The following SLC26A1 variants were observed in gnomAD, a reference collection of about 807,000 sequenced individuals.
SLC26A1 encodes the protein solute carrier family 26 member 1.
A neutral mutation model predicts 14.5 loss-of-function variants in SLC26A1; 18 were observed. The observed-to-expected ratio is 1.24, with a 90% CI of 0.86 to 1.84. SLC26A1 has a LOEUF of 1.84. SLC26A1 is among the 40% of genes most tolerant of loss of function. The pLI is 0.00. For missense variants in SLC26A1, 1,049 were observed against 1,020.0 expected (o/e 1.03, Z -0.39); for synonymous variants, 505 against 492.0 (o/e 1.03, Z -0.35).
At chr4:981,258 A>G (rs1256423982) in intron 2 of SLC26A1, among the ~76,000 whole-genome samples, 1 of 152,256 alleles carries the variant, frequency 6.6e-6, no homozygotes, top group Non-Finnish European at 1.5e-5. Context: ...GCAGTCCAGT[A>G]TCTTTTCGTT....
At chr4:987,413 G>A (rs1037211576), downstream of SLC26A1, among the ~76,000 whole-genome samples, 1 of 152,146 alleles carries the variant, frequency 6.6e-6, no homozygotes, top group African/African-American at 2.4e-5. Flanking sequence ...CTGAGTGGGC[G>A]CCGGGGCGTG....
Position 987,870 on chromosome 4 carries a change from C to A in SLC26A1, c.*963G>T. On this transcript the variant is annotated 3_prime_UTR_variant, in exon 3 of 3. Coordinates refer to ENST00000398516, the MANE Select transcript of SLC26A1 (RefSeq NM_022042.4). Reference sequence around the variant, plus strand: ...CCTCAGCTGGGACCAGCAGCTCAACCTCGCCTATGTGGGCGCCGTCCCTCA... The same window carrying A: ...CCTCAGCTGGGACCAGCAGCTCAACATCGCCTATGTGGGCGCCGTCCCTCA... The A allele has an allele frequency of 1.2e-6, 2 of 1,612,354 alleles. No homozygotes were observed. Among genetic ancestry groups the A allele is most frequent in the Non-Finnish European group, 1.7e-6 (2 of 1,179,802 alleles).
chr4:984,907 A>G (rs546721510), downstream of SLC26A1, among the ~76,000 whole-genome samples: 26 of 148,428 alleles, frequency 1.8e-4, no homozygotes, highest in Non-Finnish European at 3.5e-4. Context: ...TGTCCCCATC[A>G]TGCACTTTGT....
rs768866040 is a variant in SLC26A1 at position 991,435 on chromosome 4, T to C, written c.269A>G (p.Tyr90Cys). Residue 90 changes from tyrosine to cysteine, a missense_variant, in exon 2 of 3, where the codon TAC becomes TGC. Tyr to Cys is a radical substitution (Grantham distance 194). Transcript: ENST00000398516. Reference sequence around the variant, plus strand: ...GGGCTGCAGCCCGGCCAGCAATGAGTAGGCGATGGCCTGCGGCACCAGGAT... The same window carrying C: ...GGGCTGCAGCCCGGCCAGCAATGAGCAGGCGATGGCCTGCGGCACCAGGAT... Reference protein sequence around the residue: ...GIILVPQAIAYSLLAGLQPIY... With the variant: ...GIILVPQAIACSLLAGLQPIY... 1 of 1,612,702 alleles carries C rather than the reference T, an allele frequency of 6.2e-7. No individual in the cohort carries two copies. The highest frequency in any genetic ancestry group is 8.5e-7 in the Non-Finnish European group (1 of 1,179,946).
downstream of SLC26A1, chr4:987,025 A>T (rs1713767676): frequency 7.2e-7 from 1 of 1,383,678 alleles, no homozygotes; most frequent in Non-Finnish European, 9.5e-7. Flanking sequence ...CCAGACTCCG[A>T]CCCGGAGGCG....
At position 990,072 on chromosome 4, in the gene SLC26A1, C is replaced by A. The variant is rs1391100406; in HGVS notation, c.867G>T (p.Arg289Ser). ...ELSDRYRHRLRVPLPTELLVI... is the reference protein window; with the variant it reads ...ELSDRYRHRLSVPLPTELLVI... Reference sequence around the variant, plus strand: ...CCAGCAGCTCCGTGGGCAGCGGCACCCTCAGGCGGTGTCGGTAGCGGTCTG... The same window carrying A: ...CCAGCAGCTCCGTGGGCAGCGGCACACTCAGGCGGTGTCGGTAGCGGTCTG... Residue 289 changes from arginine (R) to serine (S), a missense_variant, in exon 3 of 3, where the codon AGG becomes AGT. Arg to Ser is a moderately radical substitution (Grantham distance 110, BLOSUM62 -1). Transcript: ENST00000398516. 6.2e-7 allele frequency: 1 copy of A among 1,601,398 alleles called. No individual in the cohort carries two copies. Among genetic ancestry groups the A allele is most frequent in the South Asian group, 1.1e-5 (1 of 89,152 alleles).
In SLC26A1 at chr4:990,374, G is replaced by A. The variant is rs779094756; in HGVS notation, c.577-12C>T. On this transcript the variant is annotated splice_polypyrimidine_tract_variant and intron_variant, in intron 2 of 2. Coordinates refer to ENST00000398516, the MANE Select transcript of SLC26A1 (RefSeq NM_022042.4). ...ACGCCCATGAGGACCTGTGGACGGAGTGCGGTCAGGCCAGCAGGCGCCTGG... is the reference window on the plus strand; with the variant it reads ...ACGCCCATGAGGACCTGTGGACGGAATGCGGTCAGGCCAGCAGGCGCCTGG... The A allele has an allele frequency of 2.7e-5, 42 of 1,581,034 alleles. No homozygotes were observed. The highest frequency in any genetic ancestry group is 1.8e-4 in the Middle Eastern group (1 of 5,520).
At chr4:985,296 C>T (rs1713670718), downstream of SLC26A1, among the ~76,000 whole-genome samples, 1 of 152,256 alleles carries the variant, frequency 6.6e-6, no homozygotes, top group Non-Finnish European at 1.5e-5. Flanking sequence ...GGAGTCGCCG[C>T]CCCAAAGCGG....
In SLC26A1 at chr4:989,254, G is replaced by A. The variant is rs201503661; in HGVS notation, c.1685C>T (p.Thr562Met). The change falls in exon 3 of 3, where the codon ACG (threonine) becomes ATG (methionine). Residue 562 changes from threonine (T) to methionine (M), a missense_variant. By Grantham distance (81) the Thr-to-Met change is moderately conservative. Transcript: ENST00000398516. ...DFFLQSLYSL[T>M]GLDAGCMAAR... The stretch of plus-strand genomic sequence containing the variant: ...AGCCATGCACCCTGCGTCCAGCCCC[G>A]TGAGGCTGTAGAGTGACTGCAGGAA... 392 of 1,612,642 alleles carry A rather than the reference G, an allele frequency of 2.4e-4. 1 individual carries two copies. The East Asian group carries it at 7.3e-3, about 30-fold the overall frequency.
downstream of SLC26A1, among the ~76,000 whole-genome samples, chr4:985,215 CCA>C (rs1713665513): frequency 6.6e-6 from 1 of 152,278 alleles, no homozygotes; most frequent in South Asian, 2.1e-4. Flanking sequence ...TGTCCTGTGG[CCA>C]CAGTGTGAGG....
intron 2 of SLC26A1, among the ~76,000 whole-genome samples, chr4:981,395 T>C (rs1713536764): frequency 6.6e-6 from 1 of 152,130 alleles, no homozygotes; most frequent in Admixed American, 6.5e-5. Context: ...GAGGATCACT[T>C]GAGGTCAGGA....
chr4:979,887 C>T (rs75338893), intron 2 of SLC26A1, among the ~76,000 whole-genome samples: 2 of 152,244 alleles, frequency 1.3e-5, no homozygotes, highest in East Asian at 3.8e-4. Flanking sequence ...TTTCCAGAGG[C>T]CGCACACCTT....
Position 988,439 on chromosome 4 carries a change from G to T in SLC26A1, c.*394C>A. 9.3e-7 allele frequency: 1 copy of T among 1,075,874 alleles called. No individual in the cohort carries two copies. 66.6% of individuals were successfully genotyped at this position (1,075,874 alleles called of 1,614,324 possible). A position where few individuals can be genotyped will look rare whatever the true frequency, so the allele number is the denominator to read the frequency against. ...AGAGCCGCTGGCTCCTACCAGCAGGGTGGGCACCGGGCAGGCCTGGGCATA... is the reference window on the plus strand; with the variant it reads ...AGAGCCGCTGGCTCCTACCAGCAGGTTGGGCACCGGGCAGGCCTGGGCATA... On this transcript the variant is annotated 3_prime_UTR_variant, in exon 3 of 3. Transcript: ENST00000398516.
chr4:991,781 A>G (rs1346901341), intron 1 of SLC26A1, 51 bp from the exon 2 acceptor site: 11 of 1,528,314 alleles, frequency 7.2e-6, no homozygotes, highest in Non-Finnish European at 9.6e-6. Context: ...TCCAGGGCCA[A>G]ACGACAAGGT....
In SLC26A1 at chr4:988,949, C is replaced by T. The variant is rs148885765; in HGVS notation, c.1990G>A (p.Gly664Arg). 87 of 1,596,134 alleles carry T rather than the reference C, an allele frequency of 5.5e-5. 1 individual carries two copies. The South Asian group carries it at 7.3e-4, about 13-fold the overall frequency. Reference sequence around the variant, plus strand: ...TCAGCCGTGTCCCCGGGGCCCTCCCCGAGGAAGCCTCCTCTGCTCAGAATG... The same window carrying T: ...TCAGCCGTGTCCCCGGGGCCCTCCCTGAGGAAGCCTCCTCTGCTCAGAATG... ...RDILSRGGFL[G>R]EGPGDTAEEE... The change falls in exon 3 of 3, where the codon GGG (glycine) becomes AGG (arginine). Residue 664 changes from glycine (G) to arginine (R), a missense_variant. Physicochemically the swap from Gly to Arg is moderately radical, Grantham distance 125. Transcript: ENST00000398516.
chr4:987,561 G>T, downstream of SLC26A1: 1 of 1,277,830 alleles, frequency 7.8e-7, no homozygotes, highest in Non-Finnish European at 1.0e-6. Context: ...CTAGAGCTGA[G>T]GTACCCGCCT....
At chr4:992,151 T>C in intron 1 of SLC26A1, 1 of 471,328 alleles carries the variant, frequency 2.1e-6, no homozygotes, top group Non-Finnish European at 4.2e-6. Flanking sequence ...GTGCCTACCG[T>C]CAGAATGTCA....
downstream of SLC26A1, among the ~76,000 whole-genome samples, chr4:986,468 G>C (rs568252330): frequency 1.3e-5 from 2 of 152,216 alleles, no homozygotes; most frequent in Non-Finnish European, 2.9e-5. Context: ...CAATGTAAAT[G>C]CTCTGTAAAT....
At chr4:984,056 C>T (rs190562739), downstream of SLC26A1, among the ~76,000 whole-genome samples, 1,255 of 152,290 alleles carry the variant, frequency 8.2e-3, 14 homozygotes, top group African/African-American at 0.029. Context: ...AACTCCTGAC[C>T]TCAGGTGATC....
Sources: allele counts gnomAD v4.1 joint callset (sites outside exome capture counted in the v4.1 genomes callset), GRCh38; gene constraint gnomAD v4.1.1; transcripts MANE v1.5; gene names NCBI Gene and HGNC (gene_info 2026-07-23, HGNC 2026-07-21).